The following CES5A variants were observed in gnomAD, a reference collection of about 807,000 sequenced individuals.
The protein encoded by CES5A is carboxylesterase 5A.
CES5A carries 67 observed loss-of-function variants against 62.9 expected under a neutral mutation model. The observed-to-expected ratio is 1.07, with a 90% confidence interval of 0.88 to 1.31. The LOEUF (loss-of-function observed/expected upper bound fraction) is 1.31, where lower values mean the gene tolerates loss of function less well. Ranked by LOEUF, CES5A falls within the 50% of genes most tolerant of loss-of-function variation. The pLI is 0.00. For missense variants in CES5A, 748 were observed against 708.5 expected, an observed-to-expected ratio of 1.06 and a Z score of -0.63; for synonymous variants, 296 against 280.8, an observed-to-expected ratio of 1.05 and a Z score of -0.54.
At chr16:55,905,491 T>C in intron 1 of CES5A, among the ~76,000 whole-genome samples, 1 of 151,816 alleles carries the variant, frequency 6.6e-6, no homozygotes, top group East Asian at 1.9e-4. Flanking sequence ...CTCAGCCTCC[T>C]GAGTAGCTGG....
chr16:55,894,498 C>CAAAAAAAAAA (rs370359945), intron 1 of CES5A, among the ~76,000 whole-genome samples: 1 of 102,952 alleles, frequency 9.7e-6, no homozygotes, highest in Non-Finnish European at 1.8e-5. Flanking sequence ...AACTCTGTCT[C>CAAAAAAAAAA]AAAAAAAAAA....
intron 1 of CES5A, among the ~76,000 whole-genome samples, chr16:55,911,376 A>G (rs1771693237): frequency 1.3e-5 from 2 of 152,176 alleles, no homozygotes; most frequent in Admixed American, 1.3e-4. Flanking sequence ...GCCCAGTTTA[A>G]AATCTATTAA....
At chr16:55,871,499 A>T in intron 3 of CES5A, 126 bp downstream of exon 3, 1 of 1,018,082 alleles carries the variant, frequency 9.8e-7, no homozygotes, top group Non-Finnish European at 1.4e-6. Context: ...AAAATTGTTG[A>T]TGTGATTACA....
intron 1 of CES5A, among the ~76,000 whole-genome samples, chr16:55,915,054 T>C (rs1319188908): frequency 6.6e-6 from 1 of 151,932 alleles, no homozygotes; most frequent in African/African-American, 2.4e-5. Flanking sequence ...GCATTGGGCC[T>C]TTCCCCAGTC....
In CES5A at chr16:55,954,296, C is replaced by T. The variant is rs79155935; in HGVS notation, c.42+1548G>A. Among the ~76,000 whole-genome samples, 1,387 of 152,254 alleles carry T rather than the reference C, an allele frequency of 9.1e-3. 13 individuals carry two copies. The highest frequency in any genetic ancestry group is 0.013 in the Non-Finnish European group (889 of 68,010). ...ATTTCATTAGCAATTAAGAAAATAA[C>T]TTTTCCAGAAGCAGAATGCATTGCA... On this transcript the variant is annotated intron_variant, in intron 1 of 13. Transcript: ENST00000521992.
intron 1 of CES5A, among the ~76,000 whole-genome samples, chr16:55,953,865 C>T (rs1308957129): frequency 6.6e-6 from 1 of 152,108 alleles, no homozygotes. Context: ...TCACCTCAAG[C>T]ATCTGTCAGT....
intron 2 of CES5A, 48 bp downstream of exon 2, chr16:55,873,785 G>A (rs1479610293): frequency 6.6e-7 from 1 of 1,522,380 alleles, no homozygotes; most frequent in Non-Finnish European, 9.0e-7. Context: ...CTGAATTCCT[G>A]CCACTCCCAG....
intron 4 of CES5A, 89 bp downstream of exon 4, chr16:55,869,522 G>A (rs192678162): frequency 5.8e-4 from 852 of 1,463,688 alleles, no homozygotes; most frequent in Non-Finnish European, 7.3e-4. Flanking sequence ...CGGAAGGCTC[G>A]CTCCTTCTTA....
At chr16:55,903,474 ATT>A (rs1156427417) in intron 1 of CES5A, among the ~76,000 whole-genome samples, 1 of 152,184 alleles carries the variant, frequency 6.6e-6, no homozygotes, top group Non-Finnish European at 1.5e-5. Context: ...CATTATGAGT[ATT>A]TTTGAGTGAG....
chr16:55,951,098 CATCTCAAAAAAAAAAA>C (rs2034551726), intron 1 of CES5A, among the ~76,000 whole-genome samples: 1 of 75,228 alleles, frequency 1.3e-5, no homozygotes, highest in African/African-American at 6.9e-5. Flanking sequence ...AGCGAGACTC[CATCTCAAAAAAAAAAA>C]AAAAAAAAAA....
intron 1 of CES5A, among the ~76,000 whole-genome samples, chr16:55,897,828 A>C (rs1322521577): frequency 6.6e-6 from 1 of 152,254 alleles, no homozygotes; most frequent in Non-Finnish European, 1.5e-5. Flanking sequence ...GGTAGAATAA[A>C]GAAATGTAGT....
rs2033200535 is a variant in CES5A at position 55,854,544 on chromosome 16, C to CTTTTTTCTTTTT, written c.1126-1517_1126-1516insAAAAAGAAAAAA. On this transcript the variant is annotated intron_variant, in intron 9 of 12. Coordinates refer to ENST00000290567, the MANE Select transcript of CES5A (RefSeq NM_001143685.2). ...CCTGTAGTGTTTCTTTTTTTTTTTT[C>CTTTTTTCTTTTT]TTTTTTTTTTTTTGAGACAGAGTCT... is the stretch of plus-strand genomic sequence containing the variant. 7.8e-5 allele frequency among the ~76,000 whole-genome samples: 5 copies of CTTTTTTCTTTTT among 64,416 alleles called. 1 individual carries two copies. Among genetic ancestry groups the CTTTTTTCTTTTT allele is most frequent in the African/African-American group, 1.4e-4 (2 of 14,310 alleles). 42.3% of individuals were successfully genotyped at this position (64,416 alleles called of 152,430 possible).
At chr16:55,889,733 C>A (rs1282211503) in intron 1 of CES5A, among the ~76,000 whole-genome samples, 1 of 151,952 alleles carries the variant, frequency 6.6e-6, no homozygotes, top group East Asian at 1.9e-4. Context: ...ATTAACCCAA[C>A]TTTCAATGTC....
chr16:55,899,927 T>C (rs959241868), intron 1 of CES5A, among the ~76,000 whole-genome samples: 3 of 152,224 alleles, frequency 2.0e-5, no homozygotes, highest in Admixed American at 2.0e-4. Context: ...TGAGTTTCAA[T>C]AGATTTCAAC....
chr16:55,862,321 A>C (rs2033368581), intron 6 of CES5A, among the ~76,000 whole-genome samples: 1 of 152,156 alleles, frequency 6.6e-6, no homozygotes, highest in South Asian at 2.1e-4. Context: ...TCCCTGGGAA[A>C]ACGTGCAAGC....
At chr16:55,894,146 A>C (rs1299360042) in intron 1 of CES5A, among the ~76,000 whole-genome samples, 1 of 152,176 alleles carries the variant, frequency 6.6e-6, no homozygotes, top group African/African-American at 2.4e-5. Flanking sequence ...TTCAAAAATG[A>C]AGACAAAAAT....
At chr16:55,851,874 C>A (rs1380277904) in intron 10 of CES5A, among the ~76,000 whole-genome samples, 1 of 152,184 alleles carries the variant, frequency 6.6e-6, no homozygotes, top group Admixed American at 6.5e-5. Context: ...GGAGGAAATT[C>A]TGATGTATAG....
intron 1 of CES5A, among the ~76,000 whole-genome samples, chr16:55,954,523 T>G (rs938508868): frequency 2.0e-5 from 3 of 152,170 alleles, no homozygotes; most frequent in Admixed American, 2.0e-4. Flanking sequence ...TTAAACCACT[T>G]TTAACACAGT....
intron 2 of CES5A, among the ~76,000 whole-genome samples, chr16:55,936,862 A>G (rs1284398325): frequency 6.6e-6 from 1 of 152,226 alleles, no homozygotes; most frequent in African/African-American, 2.4e-5. Flanking sequence ...TGTGTAAGAC[A>G]TCATCTCATA....
Sources: allele counts gnomAD v4.1 joint callset (sites outside exome capture counted in the v4.1 genomes callset), GRCh38; gene constraint gnomAD v4.1.1; transcripts MANE v1.5; gene names NCBI Gene and HGNC (gene_info 2026-07-23, HGNC 2026-07-21).